Variants in ADCY2 observed in about 807,000 individuals in gnomAD.
ADCY2 encodes the protein adenylate cyclase 2, also known as adenylate cyclase type 2.
In ADCY2, 31 loss-of-function variants were observed where a neutral mutation model predicts 125.2. The observed-to-expected ratio is 0.25, with a 90% confidence interval of 0.19 to 0.33. ADCY2 has a LOEUF of 0.33. Ranked by LOEUF, ADCY2 falls within the 10% of genes least tolerant of loss-of-function variation. The pLI is 1.00. For synonymous variants in ADCY2, 512 were observed against 548.4 expected (o/e 0.93, Z 0.93); for missense variants, 904 against 1,418.2 (o/e 0.64, Z 5.82).
intron 4 of ADCY2, among the ~76,000 whole-genome samples, chr5:7,655,099 C>T (rs576928240): frequency 6.6e-6 from 1 of 152,198 alleles, no homozygotes; most frequent in African/African-American, 2.4e-5. Flanking sequence ...TCGTGGAAGT[C>T]GTCCTGAGCA....
intron 4 of ADCY2, chr5:7,653,960 G>A: frequency 2.4e-6 from 1 of 413,034 alleles, no homozygotes; most frequent in South Asian, 1.7e-5. Context: ...TGAGGAGTTT[G>A]GTAGAAATCC....
intron 18 of ADCY2, among the ~76,000 whole-genome samples, chr5:7,775,889 G>A (rs772994556): frequency 2.6e-5 from 4 of 152,094 alleles, no homozygotes; most frequent in South Asian, 2.1e-4. Context: ...TAACTGATGC[G>A]ATAGCAGAAA....
chr5:7,709,169 C>G lies in ADCY2; in HGVS notation c.1402-42C>G. On this transcript the variant is annotated intron_variant, in intron 9 of 24. Coordinates refer to ENST00000338316, the MANE Select transcript of ADCY2 (RefSeq NM_020546.3). This position sits in a 1 kb window ranked among gnomAD's most constrained non-coding sequence, Gnocchi z 4.4. ...CGATGCCAAAAGGATCATGTGTGGCCCTGTGCTGTGCCAGGTGTGATGCTT... is the reference window on the plus strand; with the variant it reads ...CGATGCCAAAAGGATCATGTGTGGCGCTGTGCTGTGCCAGGTGTGATGCTT... The G allele has an allele frequency of 6.4e-7, 1 of 1,551,106 alleles. No homozygotes were observed. Among genetic ancestry groups the G allele is most frequent in the Non-Finnish European group, 8.7e-7 (1 of 1,148,252 alleles).
At chr5:7,548,729 G>A (rs962710071) in intron 3 of ADCY2, among the ~76,000 whole-genome samples, 3 of 152,182 alleles carry the variant, frequency 2.0e-5, no homozygotes, top group Admixed American at 6.5e-5. Context: ...TATGTTGAAA[G>A]TGGAGTCGAG....
chr5:7,764,013 A>G lies in ADCY2; in HGVS notation c.2095-2674A>G, dbSNP rs1489478602. Among the ~76,000 whole-genome samples, 3 of 152,222 alleles carry G rather than the reference A, an allele frequency of 2.0e-5. No homozygotes were observed. In the East Asian group the frequency reaches 5.8e-4, roughly 29 times the overall value. On this transcript the variant is annotated intron_variant, in intron 16 of 24. Coordinates refer to ENST00000338316, the MANE Select transcript of ADCY2 (RefSeq NM_020546.3). ...CAGCCTGCATTTTAATGACCCTTAC[A>G]AAAGCCAGGGTCAACGGGAACAGTG...
Position 7,743,829 on chromosome 5 carries a change from A to T in ADCY2, c.1956+77A>T. 2.1e-6 allele frequency: 3 copies of T among 1,412,768 alleles called. No homozygotes were observed. In the East Asian group the frequency reaches 6.9e-5, roughly 32 times the overall value. The allele number at this position is 1,412,768 out of a possible 1,614,324, so 87.5% of individuals were successfully genotyped here. A position where few individuals can be genotyped will look rare whatever the true frequency, so the allele number is the denominator to read the frequency against. On this transcript the variant is annotated intron_variant, in intron 15 of 24. Coordinates refer to ENST00000338316, the MANE Select transcript of ADCY2 (RefSeq NM_020546.3). ...GCTGATTTCTTGCCTAAAACTTTCC[A>T]AAACAAGGAGCTTATTGCTTTACCA...
chr5:7,774,910 T>C (rs1363346189), intron 18 of ADCY2, among the ~76,000 whole-genome samples: 1 of 152,254 alleles, frequency 6.6e-6, no homozygotes, highest in Admixed American at 6.5e-5. Flanking sequence ...GATGTTTTCA[T>C]ACATCTTGCA....
chr5:7,638,467 A>G (rs1738581588), intron 4 of ADCY2, among the ~76,000 whole-genome samples: 1 of 152,196 alleles, frequency 6.6e-6, no homozygotes. Context: ...CCTTCAGGGC[A>G]GGAACCAATG....
At chr5:7,452,250 G>A (rs930356702) in intron 2 of ADCY2, among the ~76,000 whole-genome samples, 2 of 151,972 alleles carry the variant, frequency 1.3e-5, no homozygotes, top group African/African-American at 4.8e-5. Flanking sequence ...TCCTCCTCCT[G>A]CCCTCCCCAT....
In ADCY2 at chr5:7,396,803, G is replaced by A. The variant is rs114747420; in HGVS notation, c.210+297G>A. Among the ~76,000 whole-genome samples the A allele has an allele frequency of 0.038, 5,803 of 152,262 alleles. 140 individuals are homozygous for A. Among genetic ancestry groups the A allele is most frequent in the South Asian group, 0.084 (404 of 4,824 alleles). On this transcript the variant is annotated intron_variant, in intron 1 of 24. Coordinates refer to ENST00000338316, the MANE Select transcript of ADCY2 (RefSeq NM_020546.3). This position sits in a 1 kb window ranked among gnomAD's most constrained non-coding sequence, Gnocchi z 5.7. ...GTGCTTTTTGCATCTTTGCGCACCC[G>A]CTGGCAAACTCTGCGCTTTCCGCCG...
rs1278480225 is a variant in ADCY2, at chr5:7,589,502, G to GA, written c.571-36662dup. On this transcript the variant is annotated intron_variant, in intron 3 of 24. Transcript: ENST00000338316. ...AGAAAGAAAGAAAGAAAGAAAGAAAGAAAGAAAGAAAAGAAAAGAAAGAGA... is the reference window on the plus strand; with the variant it reads ...AGAAAGAAAGAAAGAAAGAAAGAAAGAAAAGAAAGAAAAGAAAAGAAAGAGA... Among the ~76,000 whole-genome samples, 143 of 61,976 alleles carry GA rather than the reference G, an allele frequency of 2.3e-3. 1 individual carries two copies. Among genetic ancestry groups the GA allele is most frequent in the African/African-American group, 4.2e-3 (105 of 24,836 alleles). The allele number at this position is 61,976 out of a possible 152,430, so 40.7% of individuals were successfully genotyped here.
In ADCY2 at chr5:7,396,594, G is replaced by T; in HGVS notation, c.210+88G>T. On this transcript the variant is annotated intron_variant, in intron 1 of 24. Transcript: ENST00000338316. The surrounding 1 kb of genome is among the most constrained non-coding windows in gnomAD (Gnocchi z 5.7). ...GCCGAGCCGCGTCCCGCTCCGGGCT[G>T]CCCCTCGGCCCGCGGCAGCCCCTCG... 1.3e-6 allele frequency: 1 copy of T among 799,950 alleles called. No individual in the cohort carries two copies. The highest frequency in any genetic ancestry group is 3.7e-5 in the East Asian group (1 of 27,130). 49.6% of individuals were successfully genotyped at this position (799,950 alleles called of 1,614,324 possible). A position where few individuals can be genotyped will look rare whatever the true frequency, so the allele number is the denominator to read the frequency against.
intron 4 of ADCY2, among the ~76,000 whole-genome samples, chr5:7,670,325 C>T (rs1038188656): frequency 2.0e-5 from 3 of 152,044 alleles, no homozygotes; most frequent in Non-Finnish European, 4.4e-5. Flanking sequence ...TAGCCCGAGC[C>T]GATGGGACTG....
chr5:7,448,163 G>T (rs530363978), intron 2 of ADCY2, among the ~76,000 whole-genome samples: 1 of 152,322 alleles, frequency 6.6e-6, no homozygotes, highest in African/African-American at 2.4e-5. Flanking sequence ...TAGGGATGGG[G>T]TCTTTCTGGT....
chr5:7,515,221 C>T (rs1378885229), intron 2 of ADCY2, among the ~76,000 whole-genome samples: 1 of 152,232 alleles, frequency 6.6e-6, no homozygotes, highest in East Asian at 1.9e-4. Flanking sequence ...TATGCCCACC[C>T]TCCAGAAAGA....
chr5:7,400,312 G>A (rs991831023), intron 1 of ADCY2, among the ~76,000 whole-genome samples: 1 of 152,172 alleles, frequency 6.6e-6, no homozygotes, highest in African/African-American at 2.4e-5. Flanking sequence ...ATATGTGACT[G>A]AGAATATGGC....
chr5:7,709,171 T>C lies in ADCY2; in HGVS notation c.1402-40T>C, dbSNP rs763469195. On this transcript the variant is annotated intron_variant, in intron 9 of 24. Coordinates refer to ENST00000338316, the MANE Select transcript of ADCY2 (RefSeq NM_020546.3). The surrounding 1 kb of genome is among the most constrained non-coding windows in gnomAD (Gnocchi z 4.4). ...ATGCCAAAAGGATCATGTGTGGCCC[T>C]GTGCTGTGCCAGGTGTGATGCTTTG... 9 of 1,554,090 alleles carry C rather than the reference T, an allele frequency of 5.8e-6. No individual in the cohort carries two copies. The highest frequency in any genetic ancestry group is 7.8e-6 in the Non-Finnish European group (9 of 1,149,764).
At chr5:7,547,906 G>A (rs1331149533) in intron 3 of ADCY2, among the ~76,000 whole-genome samples, 2 of 152,230 alleles carry the variant, frequency 1.3e-5, no homozygotes, top group African/African-American at 4.8e-5. Flanking sequence ...CCCATGGACA[G>A]CATTACACTA....
chr5:7,782,866 A>G (rs979239877), intron 18 of ADCY2, among the ~76,000 whole-genome samples: 1 of 152,050 alleles, frequency 6.6e-6, no homozygotes. Context: ...CACCGCAGTC[A>G]TAGGCTCAGA....
Sources: allele counts gnomAD v4.1 joint callset (sites outside exome capture counted in the v4.1 genomes callset), GRCh38; gene constraint gnomAD v4.1.1; non-coding constraint Gnocchi (gnomAD v3.1); transcripts MANE v1.5; gene names NCBI Gene and HGNC (gene_info 2026-07-23, HGNC 2026-07-21).